Variants in BOD1L1 observed in about 807,000 individuals in gnomAD.
The protein encoded by BOD1L1 is biorientation of chromosomes in cell division protein 1-like 1.
In BOD1L1, 86 loss-of-function variants were observed where a neutral mutation model predicts 240.7. The ratio of observed to expected loss-of-function variants is 0.36; its 90% CI spans 0.30 to 0.43. The LOEUF (loss-of-function observed/expected upper bound fraction) is 0.43, where lower values mean the gene tolerates loss of function less well. Ranked by LOEUF, BOD1L1 falls within the 20% of genes least tolerant of loss-of-function variation. BOD1L1 has a pLI of 1.00. For synonymous variants in BOD1L1, 1,268 were observed against 1,272.3 expected (o/e 1.00, Z 0.07); for missense variants, 3,554 against 3,643.5 (o/e 0.98, Z 0.63).
chr4:13,614,019 GAT>G (rs1187564089), intron 4 of BOD1L1, among the ~76,000 whole-genome samples, 175 bp downstream of exon 4: 5 of 152,100 alleles, frequency 3.3e-5, no homozygotes, highest in Non-Finnish European at 5.9e-5. Flanking sequence ...TCTGTGAACA[GAT>G]ATATGAGTAC....
intron 6 of BOD1L1, 84 bp downstream of exon 6, chr4:13,610,850 T>C (rs1308856346): frequency 1.7e-6 from 2 of 1,170,148 alleles, no homozygotes; most frequent in Non-Finnish European, 2.4e-6. Flanking sequence ...CTGCTTCATA[T>C]GCACATCAGT....
chr4:13,610,744 G>GT (rs1038193073), intron 6 of BOD1L1, among the ~76,000 whole-genome samples, 190 bp downstream of exon 6: 1 of 152,154 alleles, frequency 6.6e-6, no homozygotes, highest in Non-Finnish European at 1.5e-5. Flanking sequence ...ATATTCACTT[G>GT]TATTAGTAAT....
rs761607299 is a variant in BOD1L1, at chr4:13,570,066, C to T, written c.9101G>A (p.Arg3034Gln). 1.6e-5 allele frequency: 25 copies of T among 1,605,896 alleles called. No homozygotes were observed. The highest frequency in any genetic ancestry group is 3.4e-5 in the Admixed American group (2 of 58,550). The change falls in exon 26 of 26, where the codon CGA becomes CAA. Residue 3034 changes from arginine to glutamine, a missense_variant. Physicochemically the swap from Arg to Gln is conservative, Grantham distance 43 (BLOSUM62 1). Around this residue, in one of 2 missense-constraint regions of BOD1L1, gnomAD observed 3,393 missense variants for 3,427.1 expected, o/e 0.99. Coordinates refer to ENST00000040738, the MANE Select transcript of BOD1L1 (RefSeq NM_148894.3). ...CTCCACCCTTTGCTGGCCTCTTGTTCGGGCCCCAGGAGGGCTGACTTCTCT... is the reference window on the plus strand; with the variant it reads ...CTCCACCCTTTGCTGGCCTCTTGTTTGGGCCCCAGGAGGGCTGACTTCTCT... ...RKREVSPPGARTRGQQRVEEA... is the reference protein window; with the variant it reads ...RKREVSPPGAQTRGQQRVEEA...
Position 13,602,321 on chromosome 4 carries a change from C to A in BOD1L1, c.4579G>T (p.Asp1527Tyr). ...VATSTEGKDK[D>Y]VTLSPVKAGP... ...GCCTTCACTGGACTTAAGGTGACAT[C>A]TTTGTCCTTCCCTTCAGTACTAGTG... is the stretch of plus-strand genomic sequence containing the variant. Residue 1527 changes from aspartate to tyrosine, a missense_variant, in exon 10 of 26, where the codon GAT (aspartate) becomes TAT (tyrosine). Around this residue, in one of 2 missense-constraint regions of BOD1L1, gnomAD observed 3,393 missense variants for 3,427.1 expected, o/e 0.99. Transcript: ENST00000040738. 3 of 1,613,952 alleles carry A rather than the reference C, an allele frequency of 1.9e-6. No homozygotes were observed. The highest frequency in any genetic ancestry group is 2.5e-6 in the Non-Finnish European group (3 of 1,179,876).
rs2108940412 is a variant in BOD1L1 at position 13,600,115 on chromosome 4, T to G, written c.6785A>C (p.Glu2262Ala). 5 of 1,613,924 alleles carry G rather than the reference T, an allele frequency of 3.1e-6. No individual in the cohort carries two copies. In the East Asian group the frequency reaches 1.1e-4, roughly 36 times the overall value. ...GSGIISTSSV[E>A]DCEGPVSSAV... ...ACTGGACACTGGGCCCTCACAGTCT[T>G]CCACCGAGCTCGTAGAGATGATGCC... is the stretch of plus-strand genomic sequence containing the variant. The change falls in exon 10 of 26, where the codon GAA becomes GCA. Residue 2262 changes from glutamate to alanine, a missense_variant. By Grantham distance (107) the Glu-to-Ala change is moderately radical. This residue lies in a region of BOD1L1 where 3,393 missense variants were observed against 3,427.1 expected (regional missense o/e 0.99). Transcript: ENST00000040738.
chr4:13,598,876 T>C, intron 10 of BOD1L1, 70 bp downstream of exon 10: 1 of 1,456,918 alleles, frequency 6.9e-7, no homozygotes, highest in Non-Finnish European at 9.2e-7. Flanking sequence ...TGGAAGACTG[T>C]CCTAAATGCA....
intron 24 of BOD1L1, 67 bp downstream of exon 24, chr4:13,577,336 A>T (rs28456993): frequency 7.1e-7 from 1 of 1,401,678 alleles, no homozygotes; most frequent in Non-Finnish European, 9.8e-7. Flanking sequence ...TCCTCATTCA[A>T]AGAAAAACTC....
In BOD1L1 at chr4:13,611,063, T is replaced by C. The variant is rs1475155088; in HGVS notation, c.1362A>G (p.Gln454=). ...TTTTTCCTTCACTAGAATCACTAGT[T>C]TGAGTTTTTGTTTTATTCTGTTTGT... ...EKNKQNKTKT[Q]TSDSSEGKTK... The change falls in exon 6 of 26, where the codon CAA becomes CAG. Residue 454 remains glutamine, a synonymous_variant. Transcript: ENST00000040738. 2.5e-6 allele frequency: 4 copies of C among 1,610,576 alleles called. No individual in the cohort carries two copies. Among genetic ancestry groups the C allele is most frequent in the Non-Finnish European group, 3.4e-6 (4 of 1,177,712 alleles).
intron 19 of BOD1L1, 59 bp from the exon 20 acceptor site, chr4:13,581,266 T>A: frequency 8.3e-7 from 1 of 1,204,132 alleles, no homozygotes; most frequent in Non-Finnish European, 1.2e-6. Context: ...TCCTTTATTA[T>A]ATAAAGTTTT....
intron 14 of BOD1L1, 74 bp from the exon 15 acceptor site, chr4:13,588,866 T>C (rs1419622516): frequency 8.9e-7 from 1 of 1,120,314 alleles, no homozygotes; most frequent in East Asian, 2.6e-5. Context: ...AGGTATGTGT[T>C]AGGGGGCTGG....
chr4:13,587,722 T>C lies in BOD1L1; in HGVS notation c.8330A>G (p.Tyr2777Cys), dbSNP rs1393252843. The change falls in exon 16 of 26, where the codon TAT becomes TGT. Residue 2777 changes from tyrosine (Y) to cysteine (C), a missense_variant. Physicochemically the swap from Tyr to Cys is radical, Grantham distance 194 (BLOSUM62 -2). Coordinates refer to ENST00000040738, the MANE Select transcript of BOD1L1 (RefSeq NM_148894.3). ...ACCTGGTTCATCTTCTGAAGAGAGATAATGCTGCTTTCTTTTTCTTTTAGG... is the reference window on the plus strand; with the variant it reads ...ACCTGGTTCATCTTCTGAAGAGAGACAATGCTGCTTTCTTTTTCTTTTAGG... ...HMPKRKRKQH[Y>C]LSSEDEPDDN... The C allele has an allele frequency of 5.8e-6, 9 of 1,559,288 alleles. No homozygotes were observed. The highest frequency in any genetic ancestry group is 1.7e-4 in the Middle Eastern group (1 of 5,968).
chr4:13,618,038 A>C (rs1478622070), intron 2 of BOD1L1, among the ~76,000 whole-genome samples: 2 of 152,210 alleles, frequency 1.3e-5, no homozygotes, highest in Non-Finnish European at 2.9e-5. Flanking sequence ...CAGCCACAAG[A>C]ACCCCTGACC....
rs1712805289 is a variant in BOD1L1, at chr4:13,576,979, G to T, written c.8897C>A (p.Pro2966Gln). The T allele has an allele frequency of 1.2e-6, 2 of 1,613,720 alleles. No homozygotes were observed. The highest frequency in any genetic ancestry group is 1.7e-6 in the Non-Finnish European group (2 of 1,179,806). Residue 2966 changes from proline to glutamine, a missense_variant, in exon 25 of 26, where the codon CCA (proline) becomes CAA (glutamine). Physicochemically the swap from Pro to Gln is moderately conservative, Grantham distance 76. Around this residue, in one of 2 missense-constraint regions of BOD1L1, gnomAD observed 3,393 missense variants for 3,427.1 expected, o/e 0.99. Transcript: ENST00000040738. ...AACTGATTTCTGGCGTTTTCTTTCT[G>T]GCTCTGAGGATTCTGTTCAAATAGA... ...TVSDDAESSE[P>Q]ERKRQKSVSD...
chr4:13,614,175 T>C, intron 4 of BOD1L1, 21 bp downstream of exon 4: 2 of 1,466,646 alleles, frequency 1.4e-6, no homozygotes, highest in Non-Finnish European at 1.8e-6. Flanking sequence ...ACTTTGTAGA[T>C]GTTTGCAAGT....
At chr4:13,585,992 G>C (rs951175768) in intron 17 of BOD1L1, among the ~76,000 whole-genome samples, 2 of 152,108 alleles carry the variant, frequency 1.3e-5, no homozygotes, top group African/African-American at 4.8e-5. Context: ...AGCAGCATGA[G>C]AACAGACTAA....
At chr4:13,588,669 C>G in intron 15 of BOD1L1, 53 bp downstream of exon 15, 1 of 1,309,058 alleles carries the variant, frequency 7.6e-7, no homozygotes, top group Non-Finnish European at 1.1e-6. Context: ...TCTTTGTGTA[C>G]AGTGAAAATA....
chr4:13,599,367 C>T lies in BOD1L1; in HGVS notation c.7533G>A (p.Thr2511=), dbSNP rs755562259. Residue 2511 remains threonine, a synonymous_variant, in exon 10 of 26, where the codon ACG becomes ACA. Transcript: ENST00000040738. ...AGGGATCCTTAGCCGTCTGCCCAGA[C>T]GTCTGTTCTGGTCCTCTCAGGTGGG... ...SPAHLRGPEQ[T]SGQTAKDPSV... The T allele has an allele frequency of 8.1e-6, 13 of 1,613,958 alleles. No individual in the cohort carries two copies. Among genetic ancestry groups the T allele is most frequent in the Middle Eastern group, 1.6e-4 (1 of 6,062 alleles).
chr4:13,615,945 T>G (rs1365859337), intron 2 of BOD1L1, among the ~76,000 whole-genome samples: 1 of 152,130 alleles, frequency 6.6e-6, no homozygotes, highest in African/African-American at 2.4e-5. Context: ...TTTATAAGCA[T>G]TAGAGTCCCC....
At chr4:13,581,088 C>G in intron 20 of BOD1L1, 34 bp from the exon 21 acceptor site, 1 of 1,562,122 alleles carries the variant, frequency 6.4e-7, no homozygotes, top group Non-Finnish European at 8.7e-7. Context: ...AAAATCGGTT[C>G]GAAAATTTCT....
Sources: gnomAD v4.1 joint callset for allele counts (sites outside exome capture counted in the v4.1 genomes callset) on GRCh38, gnomAD v4.1.1 for gene constraint, gnomAD v4.1.1 regional missense constraint, MANE v1.5 for transcripts, NCBI Gene and HGNC (gene_info 2026-07-23, HGNC 2026-07-21) for gene names.